The following HAVCR1 variants were observed in gnomAD, a reference collection of about 807,000 sequenced individuals.
HAVCR1 encodes the protein T cell immunoglobin domain and mucin domain protein 1.
A neutral mutation model predicts 32.0 loss-of-function variants in HAVCR1; 34 were observed. That is an observed-to-expected ratio of 1.06 (90% CI 0.81 to 1.42). The LOEUF (loss-of-function observed/expected upper bound fraction) is 1.42. Ranked by LOEUF, HAVCR1 falls within the 40% of genes most tolerant of loss-of-function variation. The probability of loss-of-function intolerance (pLI) is 0.00; values close to 1 mark genes in which losing one functional copy is unlikely to be tolerated. For missense variants in HAVCR1, 420 were observed against 442.3 expected (o/e 0.95, Z 0.45); for synonymous variants, 178 against 170.3 (o/e 1.05, Z -0.35).
chr5:157,045,915 T>C (rs896486458), intron 5 of HAVCR1, among the ~76,000 whole-genome samples: 5 of 152,194 alleles, frequency 3.3e-5, no homozygotes, highest in African/African-American at 1.2e-4. Flanking sequence ...TGACATAGTA[T>C]TTCGGAGAAT....
At chr5:157,054,869 T>C (rs1756017041) in intron 3 of HAVCR1, among the ~76,000 whole-genome samples, 1 of 152,234 alleles carries the variant, frequency 6.6e-6, no homozygotes, top group Non-Finnish European at 1.5e-5. Context: ...TGGGACTATG[T>C]GCATAGTTTA....
chr5:157,067,930 G>T, the HAVCR1 span, among the ~76,000 whole-genome samples: 2 of 151,682 alleles, frequency 1.3e-5, no homozygotes, highest in African/African-American at 4.8e-5. Context: ...TGCCTGCCTC[G>T]GCCTCCCAAA....
intron 7 of HAVCR1, among the ~76,000 whole-genome samples, chr5:157,036,841 CTT>C (rs1347760756): frequency 6.6e-6 from 1 of 151,352 alleles, no homozygotes. Context: ...CTGGCTGGTG[CTT>C]TTTTTAATGG....
chr5:157,056,525 A>G (rs980951268), intron 2 of HAVCR1, among the ~76,000 whole-genome samples: 22 of 151,880 alleles, frequency 1.4e-4, no homozygotes, highest in South Asian at 1.0e-3. Flanking sequence ...GACTACAGGC[A>G]CACGCCGCCA....
chr5:157,055,534 C>G lies in HAVCR1; in HGVS notation c.47-1G>C. 1.3e-6 allele frequency: 2 copies of G among 1,545,446 alleles called. No individual in the cohort carries two copies. The highest frequency in any genetic ancestry group is 3.9e-5 in the Admixed American group (2 of 51,128). ...ACCTTTACAGAACCAGCTACAGAAT[C>G]TGCAAAGAAGAAAAGACAAACTGAG... On this transcript the variant is annotated splice_acceptor_variant, in intron 2 of 8. Coordinates refer to ENST00000523175, the MANE Select transcript of HAVCR1 (RefSeq NM_001173393.3). LOFTEE classifies it high-confidence loss of function.
chr5:157,044,615 G>GAAAA lies in HAVCR1; in HGVS notation c.782-1934_782-1933insTTTT, dbSNP rs760337335. Among the ~76,000 whole-genome samples, 106 of 52,720 alleles carry GAAAA rather than the reference G, an allele frequency of 2.0e-3. 7 individuals are homozygous for GAAAA. Among genetic ancestry groups the GAAAA allele is most frequent in the African/African-American group, 6.3e-3 (97 of 15,488 alleles). The allele number at this position is 52,720 out of a possible 152,430, so 34.6% of individuals were successfully genotyped here. ...AGAAAGAAAGAAAGAAAGAAAGAAA[G>GAAAA]AGAAAGAAAGAAAGAAAGAAAGAAA... is the stretch of plus-strand genomic sequence containing the variant. On this transcript the variant is annotated intron_variant, in intron 5 of 8. Transcript: ENST00000523175.
rs541116503 is a variant in HAVCR1, at chr5:157,055,995, G to A, written c.47-462C>T. Among the ~76,000 whole-genome samples, 5 of 152,040 alleles carry A rather than the reference G, an allele frequency of 3.3e-5. No individual in the cohort carries two copies. The South Asian group carries it at 8.3e-4, about 25-fold the overall frequency. ...AGAGTCTTGCTCTGTCACCCAGGCT[G>A]TAGTGCAGTGGCGCAAAGATCTTGG... On this transcript the variant is annotated intron_variant, in intron 2 of 8. Coordinates refer to ENST00000523175, the MANE Select transcript of HAVCR1 (RefSeq NM_001173393.3).
intron 6 of HAVCR1, among the ~76,000 whole-genome samples, chr5:157,037,600 T>C (rs981274658): frequency 6.6e-6 from 1 of 152,238 alleles, no homozygotes; most frequent in Non-Finnish European, 1.5e-5. Flanking sequence ...TGAGGTTGTA[T>C]TTACATAGGT....
chr5:157,065,212 G>A, the HAVCR1 span, among the ~76,000 whole-genome samples: 1 of 152,158 alleles, frequency 6.6e-6, no homozygotes, highest in South Asian at 2.1e-4. Flanking sequence ...CCAGCTACTC[G>A]GGAGGCTGAG....
At chr5:157,065,102 C>T in the HAVCR1 span, among the ~76,000 whole-genome samples, 5,816 of 152,108 alleles carry the variant, frequency 0.038, 160 homozygotes, top group Middle Eastern at 0.068. Flanking sequence ...CCGAGGTGGG[C>T]GGATCACGAG....
At position 157,055,320 on chromosome 5, in the gene HAVCR1, T is replaced by A. The variant is rs1454511442; in HGVS notation, c.260A>T (p.Asp87Val). 1.9e-6 allele frequency: 3 copies of A among 1,613,052 alleles called. No homozygotes were observed. Among genetic ancestry groups the A allele is most frequent in the South Asian group, 1.1e-5 (1 of 91,060 alleles). The change falls in exon 3 of 9, where the codon GAT (aspartate) becomes GTT (valine). Residue 87 changes from aspartate (D) to valine (V), a missense_variant. Transcript: ENST00000523175. Reference sequence around the variant, plus strand: ...TGTATTTTCTATGGTCAAAGAGACATCCCTTCTTGAAAGGTCCCCCAATAG... The same window carrying A: ...TGTATTTTCTATGGTCAAAGAGACAACCCTTCTTGAAAGGTCCCCCAATAG... The part of the protein sequence containing the change: ...YKLLGDLSRR[D>V]VSLTIENTAV...
chr5:157,055,541 G>A lies in HAVCR1; in HGVS notation c.47-8C>T, dbSNP rs758107413. ...CAGAACCAGCTACAGAATCTGCAAA[G>A]AAGAAAAGACAAACTGAGAATGAGC... On this transcript the variant is annotated splice_polypyrimidine_tract_variant and splice_region_variant and intron_variant, in intron 2 of 8. Transcript: ENST00000523175. 6 of 1,522,296 alleles carry A rather than the reference G, an allele frequency of 3.9e-6. No individual in the cohort carries two copies. Among genetic ancestry groups the A allele is most frequent in the South Asian group, 2.5e-5 (2 of 81,176 alleles). The allele number at this position is 1,522,296 out of a possible 1,614,324, so 94.3% of individuals were successfully genotyped here. A position where few individuals can be genotyped will look rare whatever the true frequency, so the allele number is the denominator to read the frequency against.
At position 157,055,795 on chromosome 5, in the gene HAVCR1, G is replaced by A. The variant is rs1756094909; in HGVS notation, c.47-262C>T. Among the ~76,000 whole-genome samples the A allele has an allele frequency of 2.0e-5, 3 of 151,876 alleles. No individual in the cohort carries two copies. The South Asian group carries it at 6.3e-4, about 32-fold the overall frequency. On this transcript the variant is annotated intron_variant, in intron 2 of 8. Transcript: ENST00000523175. ...AGGGAGAAGTGCTTGAACCTGGGAGGCGGAGGTTGCAGCAAGCTGAGCTCG... is the reference window on the plus strand; with the variant it reads ...AGGGAGAAGTGCTTGAACCTGGGAGACGGAGGTTGCAGCAAGCTGAGCTCG...
chr5:157,054,173 C>T (rs1038973978), intron 3 of HAVCR1, among the ~76,000 whole-genome samples: 5 of 131,366 alleles, frequency 3.8e-5, no homozygotes, highest in South Asian at 2.4e-4. Flanking sequence ...CCTGGGCAAC[C>T]GAGTGAGACT....
intron 1 of HAVCR1, chr5:157,058,466 G>C (rs1305053932): frequency 6.5e-6 from 1 of 153,500 alleles, no homozygotes; most frequent in Non-Finnish European, 1.4e-5. Flanking sequence ...GGGAGGCTGA[G>C]GCAGGAGAAT....
chr5:157,037,548 C>T (rs1267472949), intron 6 of HAVCR1, among the ~76,000 whole-genome samples, 187 bp from the exon 7 acceptor site: 1 of 152,138 alleles, frequency 6.6e-6, no homozygotes, highest in Non-Finnish European at 1.5e-5. Flanking sequence ...ACTTGAAACG[C>T]AAAACATATT....
the HAVCR1 span, among the ~76,000 whole-genome samples, chr5:157,068,854 C>T: frequency 1.3e-5 from 2 of 152,056 alleles, no homozygotes; most frequent in African/African-American, 4.8e-5. Context: ...CAAGCAATCC[C>T]CCTGCTTCAG....
Position 157,037,381 on chromosome 5 carries a change from T to C in HAVCR1, c.838-20A>G, listed in dbSNP as rs773883034. 2.7e-5 allele frequency: 28 copies of C among 1,035,230 alleles called. No homozygotes were observed. Among genetic ancestry groups the C allele is most frequent in the Non-Finnish European group, 3.8e-5 (25 of 666,256 alleles). The allele number at this position is 1,035,230 out of a possible 1,614,324, so 64.1% of individuals were successfully genotyped here. A position where few individuals can be genotyped will look rare whatever the true frequency, so the allele number is the denominator to read the frequency against. ...CAGTTGCTGAGGAAACAACAACAGA[T>C]CAAAAAAGCATCTTGTTAGAAAGTT... On this transcript the variant is annotated intron_variant, in intron 6 of 8. Transcript: ENST00000523175.
intron 8 of HAVCR1, among the ~76,000 whole-genome samples, chr5:157,030,911 CACTT>C (rs1754133392): frequency 6.6e-6 from 1 of 151,944 alleles, no homozygotes; most frequent in South Asian, 2.1e-4. Context: ...TGTGTGAAGA[CACTT>C]AGTTTAAGTG....
Sources: allele counts gnomAD v4.1 joint callset (sites outside exome capture counted in the v4.1 genomes callset), GRCh38; gene constraint gnomAD v4.1.1; transcripts MANE v1.5; gene names NCBI Gene and HGNC (gene_info 2026-07-23, HGNC 2026-07-21).